Variants in UBR1 observed in about 807,000 individuals in gnomAD.
UBR1 encodes E3 ubiquitin-protein ligase UBR1.
Under a neutral mutation model 242.1 loss-of-function variants are expected in UBR1, and 102 were observed. The observed-to-expected ratio is 0.42, with a 90% CI of 0.36 to 0.50. The LOEUF (loss-of-function observed/expected upper bound fraction) is 0.50, where lower values mean the gene tolerates loss of function less well. UBR1 is among the 20% of genes least tolerant of loss of function. The pLI, the probability that UBR1 is intolerant of heterozygous loss-of-function variation, is 0.01. For missense variants in UBR1, 1,772 were observed against 2,101.8 expected (o/e 0.84, Z 3.07); for synonymous variants, 675 against 684.8 (o/e 0.99, Z 0.22).
chr15:43,000,969 G>A (rs1232305496), intron 32 of UBR1, among the ~76,000 whole-genome samples: 4 of 152,080 alleles, frequency 2.6e-5, no homozygotes, highest in Non-Finnish European at 4.4e-5. Flanking sequence ...GAGTAGCTGG[G>A]ATTACACGCA....
chr15:43,017,278 C>A, intron 27 of UBR1, 97 bp from the exon 28 acceptor site: 2 of 821,434 alleles, frequency 2.4e-6, no homozygotes, highest in Non-Finnish European at 4.0e-6. Context: ...ATCATATCTC[C>A]AAATGTCTTT....
chr15:43,041,989 T>C (rs1387768640), intron 15 of UBR1, among the ~76,000 whole-genome samples: 1 of 152,044 alleles, frequency 6.6e-6, no homozygotes, highest in Non-Finnish European at 1.5e-5. Flanking sequence ...TCACTTCATA[T>C]CCATTAGAAT....
intron 1 of UBR1, among the ~76,000 whole-genome samples, chr15:43,093,206 A>C (rs1596141468): frequency 1.3e-5 from 2 of 152,366 alleles, no homozygotes; most frequent in South Asian, 4.1e-4. Flanking sequence ...CCAACAGCTT[A>C]GATGCCTGTT....
chr15:43,079,904 A>G (rs1275219009), intron 3 of UBR1, among the ~76,000 whole-genome samples: 2 of 152,264 alleles, frequency 1.3e-5, no homozygotes, highest in Non-Finnish European at 2.9e-5. Flanking sequence ...ATGAAACAAT[A>G]GCAGAGTAGT....
chr15:42,987,711 CAAAAAAAAAAAAA>C (rs35169116), intron 35 of UBR1, among the ~76,000 whole-genome samples: 1 of 54,636 alleles, frequency 1.8e-5, no homozygotes, highest in Admixed American at 2.6e-4. Flanking sequence ...GACTCTGTCT[CAAAAAAAAAAAAA>C]AAAAAAAAAA....
At chr15:42,967,399 G>A (rs1157796173) in intron 40 of UBR1, among the ~76,000 whole-genome samples, 1 of 149,324 alleles carries the variant, frequency 6.7e-6, no homozygotes, top group East Asian at 1.9e-4. Context: ...AAAGTTAAAG[G>A]TTACTAAAGC....
At chr15:43,009,333 C>A (rs963110479) in intron 29 of UBR1, among the ~76,000 whole-genome samples, 2 of 152,230 alleles carry the variant, frequency 1.3e-5, no homozygotes, top group Non-Finnish European at 2.9e-5. Flanking sequence ...CAGAGCTGGC[C>A]CCTGTCCCTG....
chr15:42,955,476 TAA>T (rs769876518), intron 44 of UBR1, among the ~76,000 whole-genome samples: 32 of 152,252 alleles, frequency 2.1e-4, no homozygotes, highest in Non-Finnish European at 2.8e-4. Flanking sequence ...AGTAAATCAA[TAA>T]AGTCTTGAAT....
intron 41 of UBR1, among the ~76,000 whole-genome samples, chr15:42,965,528 A>G (rs1044540881): frequency 2.6e-5 from 4 of 151,380 alleles, no homozygotes; most frequent in African/African-American, 7.3e-5. Flanking sequence ...CAGTGGCGCA[A>G]TCTCGGCTCA....
intron 1 of UBR1, among the ~76,000 whole-genome samples, chr15:43,093,939 T>C (rs2034132468): frequency 6.6e-6 from 1 of 152,092 alleles, no homozygotes; most frequent in Non-Finnish European, 1.5e-5. Flanking sequence ...AGATAACTAT[T>C]ACGTCTCTCA....
At chr15:43,102,561 G>A (rs1239384533) in intron 1 of UBR1, among the ~76,000 whole-genome samples, 1 of 152,164 alleles carries the variant, frequency 6.6e-6, no homozygotes, top group Non-Finnish European at 1.5e-5. Context: ...TTCTGAAATT[G>A]ACTTAAGGAA....
chr15:43,072,036 C>G (rs902072185), intron 4 of UBR1, among the ~76,000 whole-genome samples: 8 of 152,144 alleles, frequency 5.3e-5, no homozygotes, highest in Non-Finnish European at 4.4e-5. Flanking sequence ...CATGTGCTAC[C>G]ACACCTAGCT....
At chr15:42,973,103 G>A (rs1280131250) in intron 39 of UBR1, among the ~76,000 whole-genome samples, 2 of 152,168 alleles carry the variant, frequency 1.3e-5, no homozygotes, top group South Asian at 2.1e-4. Context: ...TATAGATGTT[G>A]AACATTATGA....
At chr15:43,038,124 T>C in intron 16 of UBR1, 47 bp downstream of exon 16, 1 of 1,597,084 alleles carries the variant, frequency 6.3e-7, no homozygotes, top group African/African-American at 1.3e-5. Context: ...CCAAGAGATA[T>C]TCAGAAACAG....
At chr15:43,019,761 A>ATTTTTTT (rs11413335) in intron 27 of UBR1, among the ~76,000 whole-genome samples, 1 of 138,204 alleles carries the variant, frequency 7.2e-6, no homozygotes. Context: ...CGCCCAGCTA[A>ATTTTTTT]TTTTTTTTTT....
At chr15:43,054,934 T>A (rs1490416638) in intron 11 of UBR1, 35 bp from the exon 12 acceptor site, 1 of 1,610,342 alleles carries the variant, frequency 6.2e-7, no homozygotes, top group Non-Finnish European at 8.5e-7. Flanking sequence ...TCTTTAGCAT[T>A]AACTCATTGT....
At position 43,075,058 on chromosome 15, in the gene UBR1, T is replaced by G. The variant is rs750251744; in HGVS notation, c.449A>C (p.Asp150Ala). The G allele has an allele frequency of 6.2e-7, 1 of 1,613,918 alleles. No homozygotes were observed. Among genetic ancestry groups the G allele is most frequent in the African/African-American group, 1.3e-5 (1 of 74,922 alleles). ...TTTCCATGCCTCTGTGTCTCCACAG[T>G]CACAGAACCCTCCTCCAGTAGAAGT... ...MHTSTGGGFC[D>A]CGDTEAWKTG... The change falls in exon 4 of 47, where the codon GAC becomes GCC. Residue 150 changes from aspartate (D) to alanine (A), a missense_variant. Asp to Ala is a moderately radical substitution (Grantham distance 126). Around this residue, in one of 3 missense-constraint regions of UBR1, gnomAD observed 734 missense variants for 893.3 expected, o/e 0.82. Transcript: ENST00000290650.
chr15:43,092,470 T>A (rs1567150631), intron 1 of UBR1, among the ~76,000 whole-genome samples: 1 of 152,198 alleles, frequency 6.6e-6, no homozygotes, highest in Non-Finnish European at 1.5e-5. Context: ...ATAAAAGTTA[T>A]CAGTTAATTG....
intron 29 of UBR1, among the ~76,000 whole-genome samples, chr15:43,014,593 C>T (rs1466354024): frequency 3.3e-5 from 5 of 149,798 alleles, no homozygotes; most frequent in Admixed American, 1.3e-4. Flanking sequence ...AGGTGAGGAG[C>T]GTCTCTGCCC....
Sources: gnomAD v4.1 joint callset for allele counts (sites outside exome capture counted in the v4.1 genomes callset) on GRCh38, gnomAD v4.1.1 for gene constraint, gnomAD v4.1.1 regional missense constraint, MANE v1.5 for transcripts, NCBI Gene and HGNC (gene_info 2026-07-23, HGNC 2026-07-21) for gene names.